The following ITPKB variants were observed in gnomAD, a reference collection of about 807,000 sequenced individuals.
ITPKB encodes inositol-trisphosphate 3-kinase B.
Under a neutral mutation model 69.4 loss-of-function variants are expected in ITPKB, and 13 were observed. The ratio of observed to expected loss-of-function variants is 0.19; its 90% CI spans 0.12 to 0.30. The LOEUF (loss-of-function observed/expected upper bound fraction) is 0.30. Ranked by LOEUF, ITPKB falls within the 10% of genes least tolerant of loss-of-function variation. The pLI, the probability that ITPKB is intolerant of heterozygous loss-of-function variation, is 1.00. For missense variants in ITPKB, 1,240 were observed against 1,250.5 expected, an observed-to-expected ratio of 0.99 and a Z score of 0.13; for synonymous variants, 584 against 513.7, an observed-to-expected ratio of 1.14 and a Z score of -1.85.
Position 226,642,625 on chromosome 1 carries a change from G to GGCAGCA in ITPKB, c.2247-506_2247-501dup, listed in dbSNP as rs1323963549. On this transcript the variant is annotated intron_variant, in intron 4 of 7. Transcript: ENST00000429204. The surrounding 1 kb of genome is among the most constrained non-coding windows in gnomAD (Gnocchi z 6.4). The stretch of plus-strand genomic sequence containing the variant: ...AGCAGAAGAAGGAAGACGGAGGCAG[G>GGCAGCA]GCAGCAGGGGGTGTCGGGGGTGGCT... Among the ~76,000 whole-genome samples the GGCAGCA allele has an allele frequency of 5.3e-5, 8 of 152,076 alleles. No individual in the cohort carries two copies. Among genetic ancestry groups the GGCAGCA allele is most frequent in the African/African-American group, 1.9e-4 (8 of 41,406 alleles).
chr1:226,664,286 G>A (rs542897907), intron 2 of ITPKB, among the ~76,000 whole-genome samples: 3 of 152,362 alleles, frequency 2.0e-5, no homozygotes, highest in African/African-American at 4.8e-5. Context: ...ACACAGGCAT[G>A]AGAGAGGCAC....
intron 2 of ITPKB, among the ~76,000 whole-genome samples, chr1:226,654,942 GGAGGAGGAA>G (rs1669262268): frequency 6.6e-6 from 1 of 152,004 alleles, no homozygotes; most frequent in African/African-American, 2.4e-5. Flanking sequence ...GTGAAGAGGG[GGAGGAGGAA>G]GAGGAGGGAG....
intron 5 of ITPKB, 49 bp from the exon 6 acceptor site, chr1:226,639,707 G>A: frequency 2.4e-6 from 3 of 1,255,486 alleles, no homozygotes; most frequent in Non-Finnish European, 2.3e-6. Flanking sequence ...GGGACCCTCG[G>A]GCAGAAACTG....
At chr1:226,681,324 A>G (rs1432320757) in intron 2 of ITPKB, among the ~76,000 whole-genome samples, 1 of 152,150 alleles carries the variant, frequency 6.6e-6, no homozygotes, top group Non-Finnish European at 1.5e-5. Context: ...AAAGTTTACC[A>G]TTGCAGACAC....
intron 2 of ITPKB, among the ~76,000 whole-genome samples, chr1:226,664,121 T>C (rs1669453127): frequency 6.6e-6 from 1 of 152,228 alleles, no homozygotes; most frequent in South Asian, 2.1e-4. Flanking sequence ...CCTGGTTCTC[T>C]TAGACTTGTT....
chr1:226,673,893 C>T (rs911002886), intron 2 of ITPKB, among the ~76,000 whole-genome samples: 1 of 152,206 alleles, frequency 6.6e-6, no homozygotes, highest in Admixed American at 6.5e-5. Flanking sequence ...GGCTCAGAGA[C>T]CTGCTCTGTT....
chr1:226,703,121 G>C (rs934467343), intron 2 of ITPKB, among the ~76,000 whole-genome samples: 6 of 152,104 alleles, frequency 3.9e-5, no homozygotes, highest in African/African-American at 1.4e-4. Flanking sequence ...TGAAGCGAAA[G>C]AAAGTGATTA....
chr1:226,721,958 C>T (rs768617162), intron 2 of ITPKB, among the ~76,000 whole-genome samples: 1 of 151,830 alleles, frequency 6.6e-6, no homozygotes, highest in Non-Finnish European at 1.5e-5. Flanking sequence ...GGATTACAGG[C>T]GCGCACCACC....
At chr1:226,664,474 G>A (rs1213454603) in intron 2 of ITPKB, among the ~76,000 whole-genome samples, 1 of 152,184 alleles carries the variant, frequency 6.6e-6, no homozygotes, top group Non-Finnish European at 1.5e-5. Context: ...TGGGACGAGG[G>A]GAGAGCCTTG....
At chr1:226,639,480 A>G in intron 6 of ITPKB, 77 bp downstream of exon 6, 2 of 999,416 alleles carry the variant, frequency 2.0e-6, no homozygotes, top group Non-Finnish European at 3.2e-6. Context: ...TGTCCTCCCC[A>G]TGGGCACCTC....
intron 2 of ITPKB, among the ~76,000 whole-genome samples, chr1:226,714,455 G>A (rs552296047): frequency 6.6e-6 from 1 of 152,202 alleles, no homozygotes; most frequent in Non-Finnish European, 1.5e-5. Flanking sequence ...TTTGAAGTAA[G>A]AATGACATGA....
chr1:226,695,276 T>A (rs140693021), intron 2 of ITPKB, among the ~76,000 whole-genome samples: 2 of 152,078 alleles, frequency 1.3e-5, no homozygotes, highest in Non-Finnish European at 2.9e-5. Flanking sequence ...CTGGGAGGGA[T>A]AATGAACAGG....
In ITPKB at chr1:226,637,597, C is replaced by T; in HGVS notation, c.2625+82G>A. On this transcript the variant is annotated intron_variant, in intron 7 of 7. Transcript: ENST00000429204. The surrounding 1 kb of genome is among the most constrained non-coding windows in gnomAD (Gnocchi z 4.3). ...TGCACCACCCTGAAAATGCCCGATG[C>T]CCCGGGCTTCTGGAAGGAGAAGGAG... 1 of 1,122,798 alleles carries T rather than the reference C, an allele frequency of 8.9e-7. No homozygotes were observed. Among genetic ancestry groups the T allele is most frequent in the Non-Finnish European group, 1.3e-6 (1 of 744,628 alleles). 69.6% of individuals were successfully genotyped at this position (1,122,798 alleles called of 1,614,324 possible).
chr1:226,667,310 T>C (rs926467441), intron 2 of ITPKB, among the ~76,000 whole-genome samples: 2 of 152,094 alleles, frequency 1.3e-5, no homozygotes, highest in Admixed American at 6.5e-5. Context: ...AATCGATAAA[T>C]ATAGGCTAAC....
intron 2 of ITPKB, among the ~76,000 whole-genome samples, chr1:226,705,233 A>G (rs181766194): frequency 1.5e-4 from 23 of 152,302 alleles, no homozygotes; most frequent in African/African-American, 5.3e-4. Flanking sequence ...GTCCAGAAAC[A>G]TACAACTTGA....
At chr1:226,717,873 C>T (rs1351611834) in intron 2 of ITPKB, among the ~76,000 whole-genome samples, 4 of 152,366 alleles carry the variant, frequency 2.6e-5, no homozygotes, top group African/African-American at 9.6e-5. Flanking sequence ...AACAGGAGGC[C>T]AAGGCTTTTG....
rs1175645152 is a variant in ITPKB at position 226,641,140 on chromosome 1, C to T, written c.2451+781G>A. Among the ~76,000 whole-genome samples, 1 of 152,210 alleles carries T rather than the reference C, an allele frequency of 6.6e-6. No homozygotes were observed. ...AACAGCAAGGGTGCACACAGGGGCC[C>T]AGGGACAGGGAGATCATCCAGACAG... is the stretch of plus-strand genomic sequence containing the variant. On this transcript the variant is annotated intron_variant, in intron 5 of 7. Coordinates refer to ENST00000429204, the MANE Select transcript of ITPKB (RefSeq NM_002221.4). The surrounding 1 kb of genome is among the most constrained non-coding windows in gnomAD (Gnocchi z 4.6).
intron 2 of ITPKB, among the ~76,000 whole-genome samples, chr1:226,727,034 C>T (rs900636225): frequency 7.9e-5 from 12 of 152,162 alleles, no homozygotes; most frequent in Admixed American, 2.6e-4. Context: ...TTCCTGCTAG[C>T]AGATTCAGGT....
intron 2 of ITPKB, among the ~76,000 whole-genome samples, chr1:226,725,348 GCCA>G (rs72515400): frequency 0.025 from 3,831 of 152,320 alleles, 170 homozygotes; most frequent in African/African-American, 0.088. Flanking sequence ...AAAGTGGGCA[GCCA>G]CCCGAAGGGA....
Sources: gnomAD v4.1 joint callset for allele counts (sites outside exome capture counted in the v4.1 genomes callset) on GRCh38, gnomAD v4.1.1 for gene constraint, Gnocchi (gnomAD v3.1) non-coding constraint, MANE v1.5 for transcripts, NCBI Gene and HGNC (gene_info 2026-07-23, HGNC 2026-07-21) for gene names.